The following SEMA6D variants were observed in gnomAD, a reference collection of about 807,000 sequenced individuals.
The protein encoded by SEMA6D is semaphorin 6D, also known as semaphorin-6D.
A neutral mutation model predicts 106.6 loss-of-function variants in SEMA6D; 35 were observed. The ratio of observed to expected loss-of-function variants is 0.33; its 90% CI spans 0.25 to 0.44. The LOEUF (loss-of-function observed/expected upper bound fraction) is 0.44. SEMA6D is among the 20% of genes least tolerant of loss of function. SEMA6D has a pLI of 1.00. For missense variants in SEMA6D, 1,185 were observed against 1,345.9 expected, an observed-to-expected ratio of 0.88 and a Z score of 1.87; for synonymous variants, 499 against 487.7, an observed-to-expected ratio of 1.02 and a Z score of -0.31.
chr15:47,342,262 T>C (rs1307757154), intron 1 of SEMA6D, among the ~76,000 whole-genome samples: 2 of 152,208 alleles, frequency 1.3e-5, no homozygotes, highest in Non-Finnish European at 2.9e-5. Flanking sequence ...GTTCGTTGCC[T>C]GCACTGCAGC....
Position 47,439,416 on chromosome 15 carries a change from A to G in SEMA6D, c.-159+26944A>G, listed in dbSNP as rs1383479854. On this transcript the variant is annotated intron_variant, in intron 2 of 19. Transcript: ENST00000558014. Reference sequence around the variant, plus strand: ...CTCAAGATTCTATACTTCTGTTTATATAGTTACTAGAAACAACTGATACAA... The same window carrying G: ...CTCAAGATTCTATACTTCTGTTTATGTAGTTACTAGAAACAACTGATACAA... Among the ~76,000 whole-genome samples, 5 of 152,248 alleles carry G rather than the reference A, an allele frequency of 3.3e-5. 1 individual carries two copies. In the South Asian group the frequency reaches 8.3e-4, roughly 25 times the overall value.
At chr15:47,623,357 C>T (rs1359135066) in intron 4 of SEMA6D, among the ~76,000 whole-genome samples, 1 of 152,132 alleles carries the variant, frequency 6.6e-6, no homozygotes, top group East Asian at 1.9e-4. Flanking sequence ...ATGGACTTTA[C>T]CTAAATTAAC....
At chr15:47,455,701 C>T (rs2042326428) in intron 2 of SEMA6D, among the ~76,000 whole-genome samples, 1 of 151,944 alleles carries the variant, frequency 6.6e-6, no homozygotes, top group Admixed American at 6.6e-5. Context: ...ACTTTAACAG[C>T]TCTGGCATCA....
intron 1 of SEMA6D, among the ~76,000 whole-genome samples, chr15:47,289,567 G>C (rs549970435): frequency 3.3e-5 from 5 of 152,208 alleles, no homozygotes; most frequent in Non-Finnish European, 5.9e-5. Flanking sequence ...TTCAGGGAAA[G>C]CAAGAGTGGT....
At chr15:47,297,324 A>G (rs191759234) in intron 1 of SEMA6D, among the ~76,000 whole-genome samples, 55 of 152,298 alleles carry the variant, frequency 3.6e-4, no homozygotes, top group African/African-American at 1.3e-3. Context: ...TTTCTTGCAC[A>G]GGATTTCAGA....
chr15:47,642,993 A>G (rs1388550609), intron 4 of SEMA6D, among the ~76,000 whole-genome samples: 3 of 152,072 alleles, frequency 2.0e-5, no homozygotes, highest in African/African-American at 7.2e-5. Flanking sequence ...ACAGAGATGG[A>G]AATAGGGAGA....
At chr15:47,282,999 CTA>C (rs2142571785) in intron 1 of SEMA6D, among the ~76,000 whole-genome samples, 1 of 152,214 alleles carries the variant, frequency 6.6e-6, no homozygotes, top group Admixed American at 6.5e-5. Context: ...TGTTTTTTCA[CTA>C]TGATTTCCTG....
At chr15:47,668,405 A>G (rs2078070903) in intron 4 of SEMA6D, among the ~76,000 whole-genome samples, 1 of 152,184 alleles carries the variant, frequency 6.6e-6, no homozygotes, top group Admixed American at 6.5e-5. Flanking sequence ...TTTATAATGT[A>G]TACACTATTC....
intron 4 of SEMA6D, among the ~76,000 whole-genome samples, chr15:47,608,602 A>C (rs903497117): frequency 6.6e-6 from 1 of 152,188 alleles, no homozygotes. Context: ...ATAAGCATCA[A>C]ATCACCTCCT....
chr15:47,536,012 G>A (rs1158079936), intron 3 of SEMA6D, among the ~76,000 whole-genome samples: 1 of 152,180 alleles, frequency 6.6e-6, no homozygotes, highest in Non-Finnish European at 1.5e-5. Flanking sequence ...AGCCTCAAAT[G>A]CTATGCTGTA....
intron 1 of SEMA6D, chr15:47,412,257 G>A (rs558159072): frequency 6.6e-6 from 1 of 152,556 alleles, no homozygotes; most frequent in South Asian, 2.1e-4. Flanking sequence ...GCATTCAGCT[G>A]TGTTTAAGAG....
rs1333442480 is a variant in SEMA6D, at chr15:47,759,877, G to C, written c.79G>C (p.Asp27His). The part of the protein sequence containing the change: ...QLRAVSFPED[D>H]EPLNTVDYHY... Reference sequence around the variant, plus strand: ...GAGGGCAGTCAGCTTTCCTGAAGATGATGAACCCCTTAATACTGTCGACTA... The same window carrying C: ...GAGGGCAGTCAGCTTTCCTGAAGATCATGAACCCCTTAATACTGTCGACTA... The change falls in exon 2 of 19, where the codon GAT (aspartate) becomes CAT (histidine). Residue 27 changes from aspartate to histidine, a missense_variant. Asp to His is a moderately conservative substitution (Grantham distance 81). This residue lies in a region of SEMA6D where 144 missense variants were observed against 138.6 expected (regional missense o/e 1.04). Transcript: ENST00000536845. 3 of 1,613,426 alleles carry C rather than the reference G, an allele frequency of 1.9e-6. No homozygotes were observed. The highest frequency in any genetic ancestry group is 2.2e-5 in the East Asian group (1 of 44,860).
intron 1 of SEMA6D, among the ~76,000 whole-genome samples, chr15:47,386,056 A>G (rs1305542156): frequency 6.6e-6 from 1 of 152,256 alleles, no homozygotes; most frequent in Non-Finnish European, 1.5e-5. Context: ...AGAATTAAAT[A>G]TATGTGTAAC....
intron 1 of SEMA6D, among the ~76,000 whole-genome samples, chr15:47,294,560 A>C (rs551664240): frequency 6.6e-6 from 1 of 152,264 alleles, no homozygotes; most frequent in South Asian, 2.1e-4. Context: ...AAAATTTAAA[A>C]TGTTACAAAA....
At chr15:47,675,996 G>T (rs1450632547) in intron 4 of SEMA6D, among the ~76,000 whole-genome samples, 1 of 152,182 alleles carries the variant, frequency 6.6e-6, no homozygotes, top group Non-Finnish European at 1.5e-5. Flanking sequence ...GCCCCTGGCA[G>T]TGGCTGTGTC....
chr15:47,272,312 C>A (rs2142289638), intron 1 of SEMA6D, among the ~76,000 whole-genome samples: 1 of 152,240 alleles, frequency 6.6e-6, no homozygotes, highest in Non-Finnish European at 1.5e-5. Context: ...TCAATTAAAT[C>A]TCTACTCAAA....
intron 4 of SEMA6D, among the ~76,000 whole-genome samples, chr15:47,634,307 G>T (rs2077342615): frequency 1.3e-5 from 2 of 152,138 alleles, no homozygotes; most frequent in Admixed American, 6.6e-5. Flanking sequence ...CAAAAGCAGG[G>T]CACCAACTTG....
At chr15:47,735,292 T>C (rs1448490621) in intron 1 of SEMA6D, among the ~76,000 whole-genome samples, 1 of 152,134 alleles carries the variant, frequency 6.6e-6, no homozygotes, top group Non-Finnish European at 1.5e-5. Context: ...GGCACTACGG[T>C]ATAGTCATCA....
At chr15:47,649,710 G>A (rs530653823) in intron 4 of SEMA6D, among the ~76,000 whole-genome samples, 2 of 152,098 alleles carry the variant, frequency 1.3e-5, no homozygotes, top group Non-Finnish European at 2.9e-5. Flanking sequence ...AGAAAGAAAA[G>A]AATACAAGTT....
Sources: allele counts gnomAD v4.1 joint callset (sites outside exome capture counted in the v4.1 genomes callset), GRCh38; gene constraint gnomAD v4.1.1; regional missense constraint gnomAD v4.1.1; transcripts MANE v1.5; gene names NCBI Gene and HGNC (gene_info 2026-07-23, HGNC 2026-07-21).